NHSL1: variants seen among roughly 807,000 people sequenced by gnomAD.
NHSL1 encodes NHS-like protein 1.
NHSL1 carries 48 observed loss-of-function variants against 95.0 expected under a neutral mutation model. That is an observed-to-expected ratio of 0.51 (90% confidence interval 0.40 to 0.64). The LOEUF (loss-of-function observed/expected upper bound fraction) is 0.64, where lower values mean the gene tolerates loss of function less well. Ranked by LOEUF, NHSL1 falls within the 30% of genes least tolerant of loss-of-function variation. The pLI, the probability that NHSL1 is intolerant of heterozygous loss-of-function variation, is 0.00. For missense variants in NHSL1, 1,971 were observed against 2,077.7 expected (o/e 0.95, Z 1.00); for synonymous variants, 783 against 833.9 (o/e 0.94, Z 1.05).
intron 1 of NHSL1, among the ~76,000 whole-genome samples, chr6:138,527,096 G>A (rs1258982671): frequency 6.6e-6 from 1 of 152,146 alleles, no homozygotes; most frequent in Non-Finnish European, 1.5e-5. Context: ...TGAGCCAGCT[G>A]TGTAGGCAGC....
chr6:138,576,083 C>T (rs1783967247), upstream of NHSL1, among the ~76,000 whole-genome samples: 1 of 152,044 alleles, frequency 6.6e-6, no homozygotes, highest in Admixed American at 6.5e-5. Context: ...CCTTCGCCTC[C>T]CGGGTTTAAG....
chr6:138,532,795 C>A (rs966001521), intron 1 of NHSL1, among the ~76,000 whole-genome samples: 1 of 152,080 alleles, frequency 6.6e-6, no homozygotes, highest in African/African-American at 2.4e-5. Flanking sequence ...TTACTCACGG[C>A]TAATAGCATC....
Position 138,499,381 on chromosome 6 carries a change from G to T in NHSL1, c.-91C>A. 6.6e-7 allele frequency: 1 copy of T among 1,516,390 alleles called. No homozygotes were observed. Among genetic ancestry groups the T allele is most frequent in the Non-Finnish European group, 8.9e-7 (1 of 1,129,328 alleles). The allele number at this position is 1,516,390 out of a possible 1,614,324, so 93.9% of individuals were successfully genotyped here. A position where few individuals can be genotyped will look rare whatever the true frequency, so the allele number is the denominator to read the frequency against. On this transcript the variant is annotated 5_prime_UTR_variant, in exon 1 of 8. In the 5' UTR this introduces an upstream ATG that the reference lacks. Transcript: ENST00000343505. Reference sequence around the variant, plus strand: ...TGGCAAGCTTCGTCCTTCTGCTACAGATTCTAACTTTTTCTTCCCCCGGTC... The same window carrying T: ...TGGCAAGCTTCGTCCTTCTGCTACATATTCTAACTTTTTCTTCCCCCGGTC...
intron 1 of NHSL1, among the ~76,000 whole-genome samples, chr6:138,533,014 G>C (rs1782198662): frequency 6.6e-6 from 1 of 152,178 alleles, no homozygotes; most frequent in Non-Finnish European, 1.5e-5. Flanking sequence ...TTACTCAACA[G>C]ATTAACAGAG....
intron 1 of NHSL1, among the ~76,000 whole-genome samples, chr6:138,557,174 C>T (rs1300525887): frequency 6.6e-6 from 1 of 152,134 alleles, no homozygotes; most frequent in African/African-American, 2.4e-5. Context: ...GTACTTTATT[C>T]CACCGTACCA....
rs1778472757 is a variant in NHSL1, at chr6:138,467,541, C to A, written c.339+5765G>T. Among the ~76,000 whole-genome samples the A allele has an allele frequency of 2.0e-5, 3 of 152,134 alleles. No individual in the cohort carries two copies. In the South Asian group the frequency reaches 6.2e-4, roughly 31 times the overall value. ...CAGGCCGGTCCTTCAGAAAATATTCCAGAAGTGGGTATTGTTATCATAGGA... is the reference window on the plus strand; with the variant it reads ...CAGGCCGGTCCTTCAGAAAATATTCAAGAAGTGGGTATTGTTATCATAGGA... On this transcript the variant is annotated intron_variant, in intron 3 of 7. Coordinates refer to ENST00000343505, the MANE Select transcript of NHSL1 (RefSeq NM_001144060.2).
Position 138,535,347 on chromosome 6 carries a change from T to A in NHSL1, c.16+10276A>T, listed in dbSNP as rs115175846. Among the ~76,000 whole-genome samples, 552 of 152,262 alleles carry A rather than the reference T, an allele frequency of 3.6e-3. 5 individuals carry two copies. Among genetic ancestry groups the A allele is most frequent in the African/African-American group, 0.013 (532 of 41,552 alleles). On this transcript the variant is annotated intron_variant, in intron 1 of 4. Transcript: ENST00000342260. Reference sequence around the variant, plus strand: ...GGGAGATAAAGGCGGGAGGATTGCCTGAGCCCAGGAGTTCGAGACCAGTCT... The same window carrying A: ...GGGAGATAAAGGCGGGAGGATTGCCAGAGCCCAGGAGTTCGAGACCAGTCT...
At chr6:138,552,034 T>C (rs1159991490) in intron 1 of NHSL1, among the ~76,000 whole-genome samples, 1 of 152,208 alleles carries the variant, frequency 6.6e-6, no homozygotes. Flanking sequence ...ATGGAGGCTC[T>C]TCAATGGCCT....
At chr6:138,519,731 C>G (rs527764137) in intron 1 of NHSL1, among the ~76,000 whole-genome samples, 2 of 152,302 alleles carry the variant, frequency 1.3e-5, no homozygotes, top group East Asian at 3.9e-4. Context: ...GCATCTCTAG[C>G]AAGGTAGCTG....
chr6:138,465,452 C>T (rs1778298989), intron 3 of NHSL1, among the ~76,000 whole-genome samples: 1 of 152,176 alleles, frequency 6.6e-6, no homozygotes, highest in Non-Finnish European at 1.5e-5. Flanking sequence ...TGCCGTTTTG[C>T]CTGTTGCAAC....
chr6:138,613,132 G>A (rs1784536194), intron 1 of NHSL1, among the ~76,000 whole-genome samples: 1 of 152,226 alleles, frequency 6.6e-6, no homozygotes, highest in South Asian at 2.1e-4. Context: ...ATGGAACGCT[G>A]CCTCAAGGTT....
upstream of NHSL1, among the ~76,000 whole-genome samples, chr6:138,499,834 A>AG (rs1415446011): frequency 2.6e-5 from 4 of 152,296 alleles, no homozygotes; most frequent in East Asian, 1.9e-4. Context: ...GAACTGATTT[A>AG]GGGGGGAAAA....
chr6:138,501,798 T>C (rs530135855), upstream of NHSL1, among the ~76,000 whole-genome samples: 69 of 152,346 alleles, frequency 4.5e-4, 1 homozygote, highest in African/African-American at 1.5e-3. Context: ...GTCCCTGATA[T>C]AAAATACTGT....
intron 1 of NHSL1, among the ~76,000 whole-genome samples, chr6:138,678,058 C>T (rs569555714): frequency 2.6e-5 from 4 of 152,302 alleles, no homozygotes; most frequent in East Asian, 1.9e-4. Flanking sequence ...CCAGCTAGTT[C>T]TCATTGCTGC....
At chr6:138,599,154 A>G (rs979192275) in intron 1 of NHSL1, among the ~76,000 whole-genome samples, 2 of 152,218 alleles carry the variant, frequency 1.3e-5, no homozygotes, top group Non-Finnish European at 2.9e-5. Context: ...TTTGGATTCT[A>G]TTACATATTT....
chr6:138,606,203 G>A (rs1784431301), intron 1 of NHSL1, among the ~76,000 whole-genome samples: 1 of 152,140 alleles, frequency 6.6e-6, no homozygotes, highest in African/African-American at 2.4e-5. Flanking sequence ...TGAAGAGGCT[G>A]CAGAGGAAAG....
chr6:138,431,138 G>T lies in NHSL1; in HGVS notation c.3207C>A (p.Thr1069=). The T allele has an allele frequency of 6.4e-7, 1 of 1,551,738 alleles. No individual in the cohort carries two copies. The highest frequency in any genetic ancestry group is 1.7e-4 in the Middle Eastern group (1 of 5,994). Residue 1069 remains threonine, a synonymous_variant, in exon 6 of 8, where the codon ACC becomes ACA. Coordinates refer to ENST00000343505, the MANE Select transcript of NHSL1 (RefSeq NM_001144060.2). This position sits in a 1 kb window ranked among gnomAD's most constrained non-coding sequence, Gnocchi z 4.0. ...ACTGCACCATCTGCAATGCTTCCGT[G>T]GTTATCAGGGGCATGGGGGGCCTGC... ...ETSRPPMPLI[T]TEALQMVQLR...
intron 4 of NHSL1, among the ~76,000 whole-genome samples, chr6:138,444,650 C>T (rs897794954): frequency 4.6e-5 from 7 of 151,352 alleles, no homozygotes; most frequent in Admixed American, 6.6e-5. Flanking sequence ...CCCCAGCGAA[C>T]GAGCACATGA....
chr6:138,676,982 C>A lies in NHSL1; in HGVS notation c.96+15494G>T, dbSNP rs150674993. Reference sequence around the variant, plus strand: ...TCTGCTGCCTTTTATCAAACTGTTTCAATCATGTTTGACCTCTCCAAATTA... The same window carrying A: ...TCTGCTGCCTTTTATCAAACTGTTTAAATCATGTTTGACCTCTCCAAATTA... On this transcript the variant is annotated intron_variant, in intron 1 of 3. Coordinates refer to the NHSL1 transcript ENST00000491526. 7.9e-5 allele frequency among the ~76,000 whole-genome samples: 12 copies of A among 152,308 alleles called. No individual in the cohort carries two copies. The East Asian group carries it at 2.3e-3, about 29-fold the overall frequency.
Sources: allele counts gnomAD v4.1 joint callset (sites outside exome capture counted in the v4.1 genomes callset), GRCh38; gene constraint gnomAD v4.1.1; non-coding constraint Gnocchi (gnomAD v3.1); transcripts MANE v1.5; gene names NCBI Gene and HGNC (gene_info 2026-07-23, HGNC 2026-07-21).